Variants in GOLIM4 observed in about 807,000 individuals in gnomAD.
The protein encoded by GOLIM4 is golgi integral membrane protein 4, also known as 130 kDa golgi-localized phosphoprotein.
GOLIM4 carries 71 observed loss-of-function variants against 107.4 expected under a neutral mutation model. The observed-to-expected ratio is 0.66, with a 90% CI of 0.55 to 0.81. The LOEUF (loss-of-function observed/expected upper bound fraction) is 0.81, where lower values mean the gene tolerates loss of function less well. Among genes scored for constraint, GOLIM4 ranks in the 30% least tolerant of loss-of-function variants. GOLIM4 has a pLI of 0.00. For missense variants in GOLIM4, 830 were observed against 826.1 expected (o/e 1.00, Z -0.06); for synonymous variants, 327 against 294.8 (o/e 1.11, Z -1.12).
At chr3:168,056,845 T>C (rs1266766780) in intron 1 of GOLIM4, among the ~76,000 whole-genome samples, 2 of 152,204 alleles carry the variant, frequency 1.3e-5, no homozygotes, top group Non-Finnish European at 2.9e-5. Context: ...AGAAAGGACT[T>C]GCCTTGTCTC....
chr3:168,075,385 C>A (rs1374198171), intron 1 of GOLIM4, among the ~76,000 whole-genome samples: 1 of 147,958 alleles, frequency 6.8e-6, no homozygotes, highest in Non-Finnish European at 1.5e-5. Context: ...CAAGCTCCGC[C>A]TCCCGGGTTC....
chr3:168,068,283 C>A (rs1239912935), intron 1 of GOLIM4, among the ~76,000 whole-genome samples: 1 of 151,968 alleles, frequency 6.6e-6, no homozygotes, highest in Non-Finnish European at 1.5e-5. Flanking sequence ...GGCTTCCATT[C>A]CCTATTGTGA....
At chr3:168,085,522 G>GT (rs751777969) in intron 1 of GOLIM4, among the ~76,000 whole-genome samples, 8 of 152,194 alleles carry the variant, frequency 5.3e-5, no homozygotes, top group Non-Finnish European at 1.2e-4. Context: ...TGAGAAGATT[G>GT]TATCAGCAGA....
chr3:168,094,023 T>G (rs1049648040), intron 1 of GOLIM4, among the ~76,000 whole-genome samples: 1 of 152,220 alleles, frequency 6.6e-6, no homozygotes, highest in Non-Finnish European at 1.5e-5. Context: ...CAGCAAAGTC[T>G]GCCAACATTT....
intron 1 of GOLIM4, among the ~76,000 whole-genome samples, chr3:168,058,744 C>G (rs1450410835): frequency 6.6e-6 from 1 of 152,096 alleles, no homozygotes; most frequent in African/African-American, 2.4e-5. Flanking sequence ...CCTCCTCTTC[C>G]ATAAAAAGGC....
chr3:168,073,722 T>C (rs1485062363), intron 1 of GOLIM4, among the ~76,000 whole-genome samples: 1 of 152,344 alleles, frequency 6.6e-6, no homozygotes, highest in Non-Finnish European at 1.5e-5. Context: ...TTTCTGCTTA[T>C]ATAGGGTATT....
At position 168,040,817 on chromosome 3, in the gene GOLIM4, T is replaced by C; in HGVS notation, c.653A>G (p.Glu218Gly). The change falls in exon 7 of 16, where the codon GAA becomes GGA. Residue 218 changes from glutamate (E) to glycine (G), a missense_variant. By Grantham distance (98) the Glu-to-Gly change is moderately conservative (BLOSUM62 -2). Transcript: ENST00000470487. ...AGCAGCTAGTGCACTCTTGTGGTCTTCCAAAGTCACTACAAGTTGTTCATG... is the reference window on the plus strand; with the variant it reads ...AGCAGCTAGTGCACTCTTGTGGTCTCCCAAAGTCACTACAAGTTGTTCATG... The part of the protein sequence containing the change: ...SEHEQLVVTL[E>G]DHKSALAAAQ... The C allele has an allele frequency of 6.2e-7, 1 of 1,613,418 alleles. No homozygotes were observed. Among genetic ancestry groups the C allele is most frequent in the Non-Finnish European group, 8.5e-7 (1 of 1,179,386 alleles).
intron 7 of GOLIM4, among the ~76,000 whole-genome samples, chr3:168,037,729 G>A (rs1464873111): frequency 6.6e-6 from 1 of 152,136 alleles, no homozygotes; most frequent in Non-Finnish European, 1.5e-5. Context: ...TACATGGGGT[G>A]GGATGTGTGG....
chr3:168,052,342 A>G (rs746457049), intron 1 of GOLIM4, among the ~76,000 whole-genome samples: 1 of 151,212 alleles, frequency 6.6e-6, no homozygotes, highest in Non-Finnish European at 1.5e-5. Flanking sequence ...GTATGTGTAT[A>G]TGCATATATG....
chr3:168,093,973 T>C (rs564177854), intron 1 of GOLIM4, among the ~76,000 whole-genome samples: 1 of 152,320 alleles, frequency 6.6e-6, no homozygotes, highest in Non-Finnish European at 1.5e-5. Context: ...AGCTTGCATC[T>C]ATCTACCTAG....
chr3:168,026,507 T>C (rs1718003058), intron 12 of GOLIM4, among the ~76,000 whole-genome samples: 1 of 152,154 alleles, frequency 6.6e-6, no homozygotes, highest in African/African-American at 2.4e-5. Flanking sequence ...AAGGCCAATG[T>C]TTCCCAGCAT....
chr3:168,072,565 G>T (rs1720886525), intron 1 of GOLIM4, among the ~76,000 whole-genome samples: 1 of 151,846 alleles, frequency 6.6e-6, no homozygotes, highest in Non-Finnish European at 1.5e-5. Flanking sequence ...AAAGCATAGG[G>T]GAATATCAGA....
chr3:168,058,359 A>T (rs1720090945), intron 1 of GOLIM4, among the ~76,000 whole-genome samples: 1 of 152,196 alleles, frequency 6.6e-6, no homozygotes, highest in Non-Finnish European at 1.5e-5. Context: ...TAAGTATTAT[A>T]TGAGCTGACT....
intron 1 of GOLIM4, among the ~76,000 whole-genome samples, chr3:168,091,677 A>C (rs1577584981): frequency 6.6e-6 from 1 of 152,222 alleles, no homozygotes; most frequent in Non-Finnish European, 1.5e-5. Context: ...ATAACAGCTA[A>C]CTTTTAACGA....
intron 2 of GOLIM4, among the ~76,000 whole-genome samples, 198 bp from the exon 3 acceptor site, chr3:168,047,197 C>A (rs1323315880): frequency 1.3e-5 from 2 of 152,170 alleles, no homozygotes; most frequent in African/African-American, 4.8e-5. Context: ...TCCTCTTTAC[C>A]TTACAGCTGT....
At chr3:168,016,683 A>C (rs1298403318) in intron 14 of GOLIM4, among the ~76,000 whole-genome samples, 27 of 134,418 alleles carry the variant, frequency 2.0e-4, no homozygotes, top group Admixed American at 1.9e-3. Flanking sequence ...AAAATGTGGC[A>C]CATATACACC....
intron 1 of GOLIM4, among the ~76,000 whole-genome samples, chr3:168,084,265 T>C: frequency 6.6e-6 from 1 of 152,190 alleles, no homozygotes; most frequent in East Asian, 1.9e-4. Context: ...CTCCCAGCCA[T>C]GCTTCCTATA....
chr3:168,013,647 T>G (rs1038924943), intron 14 of GOLIM4, among the ~76,000 whole-genome samples: 1 of 150,700 alleles, frequency 6.6e-6, no homozygotes, highest in African/African-American at 2.5e-5. Context: ...GAAGTAAAGC[T>G]CTCCTCAGCA....
intron 1 of GOLIM4, among the ~76,000 whole-genome samples, chr3:168,063,466 T>C (rs899430574): frequency 6.6e-6 from 1 of 152,186 alleles, no homozygotes; most frequent in Non-Finnish European, 1.5e-5. Context: ...ATATACTTCC[T>C]TTCTTCATAC....
Sources: allele counts gnomAD v4.1 joint callset (sites outside exome capture counted in the v4.1 genomes callset), GRCh38; gene constraint gnomAD v4.1.1; transcripts MANE v1.5; gene names NCBI Gene and HGNC (gene_info 2026-07-23, HGNC 2026-07-21).